CADM2: variants seen among roughly 807,000 people sequenced by gnomAD.
CADM2 encodes immunoglobulin superfamily member 4D.
In CADM2, 12 loss-of-function variants were observed where a neutral mutation model predicts 49.8. The ratio of observed to expected loss-of-function variants is 0.24; its 90% CI spans 0.15 to 0.39. CADM2 has a LOEUF of 0.39. Among genes scored for constraint, CADM2 ranks in the 10% least tolerant of loss-of-function variants. The probability of loss-of-function intolerance (pLI) is 1.00; values close to 1 mark genes in which losing one functional copy is unlikely to be tolerated. For synonymous variants in CADM2, 214 were observed against 175.4 expected (o/e 1.22, Z -1.74); for missense variants, 378 against 492.3 (o/e 0.77, Z 2.20).
chr3:85,371,574 C>A (rs9854869), intron 1 of CADM2, among the ~76,000 whole-genome samples: 24,662 of 148,098 alleles, frequency 0.17, 2,585 homozygotes, highest in Non-Finnish European at 0.23. Flanking sequence ...CTTAAGTATG[C>A]AATTTTCAGA....
intron 1 of CADM2, among the ~76,000 whole-genome samples, chr3:85,138,497 A>G (rs2039484374): frequency 6.6e-6 from 1 of 152,196 alleles, no homozygotes; most frequent in Admixed American, 6.5e-5. Flanking sequence ...GATATAAAGT[A>G]AAATACAATT....
intron 1 of CADM2, among the ~76,000 whole-genome samples, chr3:85,511,138 C>T (rs2040599236): frequency 6.6e-6 from 1 of 152,044 alleles, no homozygotes; most frequent in African/African-American, 2.4e-5. Context: ...TAAAAGCACA[C>T]CTCACCCCTA....
chr3:85,054,490 G>A (rs1189056495), intron 1 of CADM2, among the ~76,000 whole-genome samples: 2 of 151,868 alleles, frequency 1.3e-5, no homozygotes, highest in Non-Finnish European at 1.5e-5. Context: ...AGGGCTTTGA[G>A]TAGGTGAGCC....
At chr3:85,636,202 GT>G (rs1198915892) in intron 1 of CADM2, among the ~76,000 whole-genome samples, 2 of 152,174 alleles carry the variant, frequency 1.3e-5, no homozygotes, top group African/African-American at 4.8e-5. Context: ...CTCTATGAAT[GT>G]TATTGCCCTT....
intron 2 of CADM2, among the ~76,000 whole-genome samples, chr3:85,772,008 CTTTTTTTTT>C (rs397938377): frequency 8.9e-6 from 1 of 112,222 alleles, no homozygotes; most frequent in Non-Finnish European, 1.9e-5. Context: ...TTCTTTCTTT[CTTTTTTTTT>C]TTTTTTTTTT....
At chr3:85,734,904 G>A (rs1415322967) in intron 2 of CADM2, among the ~76,000 whole-genome samples, 2 of 151,148 alleles carry the variant, frequency 1.3e-5, no homozygotes, top group African/African-American at 2.4e-5. Flanking sequence ...AACATAGTAA[G>A]AGATATAGTA....
chr3:86,050,694 C>A (rs891988686), intron 8 of CADM2, among the ~76,000 whole-genome samples: 1 of 152,182 alleles, frequency 6.6e-6, no homozygotes, highest in African/African-American at 2.4e-5. Context: ...ATGGAACCAC[C>A]AAGGCTTAAG....
intron 8 of CADM2, among the ~76,000 whole-genome samples, chr3:86,057,606 T>A (rs1198797738): frequency 6.6e-6 from 1 of 152,212 alleles, no homozygotes; most frequent in Non-Finnish European, 1.5e-5. Flanking sequence ...AAACAACCTT[T>A]ATCTTCAAGA....
At chr3:85,541,755 T>TC (rs1559897626) in intron 1 of CADM2, among the ~76,000 whole-genome samples, 3 of 27,216 alleles carry the variant, frequency 1.1e-4, no homozygotes, top group Non-Finnish European at 3.4e-4. Flanking sequence ...TTTATATATT[T>TC]TATATATATA....
intron 8 of CADM2, among the ~76,000 whole-genome samples, chr3:86,049,092 A>G (rs992474315): frequency 5.3e-5 from 8 of 152,030 alleles, no homozygotes; most frequent in Non-Finnish European, 7.4e-5. Context: ...AGTAATTAAA[A>G]TGTCTTCCAT....
chr3:85,169,463 A>C (rs557031262), intron 1 of CADM2, among the ~76,000 whole-genome samples: 2 of 152,312 alleles, frequency 1.3e-5, no homozygotes, highest in East Asian at 3.9e-4. Context: ...GCCAATAAAA[A>C]ATTACTTAAG....
intron 1 of CADM2, among the ~76,000 whole-genome samples, chr3:85,405,559 A>C (rs1335215988): frequency 1.3e-5 from 2 of 152,162 alleles, no homozygotes; most frequent in East Asian, 3.9e-4. Context: ...TTTTGTGATC[A>C]AGGTTGCCCT....
intron 1 of CADM2, among the ~76,000 whole-genome samples, chr3:85,287,013 T>C (rs1200763124): frequency 1.3e-5 from 2 of 152,184 alleles, no homozygotes; most frequent in Non-Finnish European, 2.9e-5. Flanking sequence ...ATTGTTAGTT[T>C]GAATGCCCCT....
chr3:85,528,478 C>G (rs2061222520), intron 1 of CADM2, among the ~76,000 whole-genome samples: 1 of 152,162 alleles, frequency 6.6e-6, no homozygotes, highest in African/African-American at 2.4e-5. Flanking sequence ...TATTGTTTAA[C>G]CTCTTTGTGT....
At chr3:85,642,964 A>C (rs538763935) in intron 1 of CADM2, among the ~76,000 whole-genome samples, 4 of 152,200 alleles carry the variant, frequency 2.6e-5, no homozygotes, top group Non-Finnish European at 5.9e-5. Flanking sequence ...GTTGAATTTA[A>C]ATGACTGTGA....
At chr3:85,530,993 A>C (rs976153013) in intron 1 of CADM2, among the ~76,000 whole-genome samples, 5 of 151,940 alleles carry the variant, frequency 3.3e-5, no homozygotes, top group Non-Finnish European at 7.4e-5. Context: ...ATGAGTTTTA[A>C]AATACCCTCT....
At chr3:86,014,305 T>C in intron 8 of CADM2, 1 of 1,358,738 alleles carries the variant, frequency 7.4e-7, no homozygotes, top group East Asian at 2.3e-5. Context: ...AAAAATGTCC[T>C]ATCTTTTACA....
chr3:85,049,268 C>A (rs559677736), intron 1 of CADM2, among the ~76,000 whole-genome samples: 4 of 152,092 alleles, frequency 2.6e-5, no homozygotes, highest in African/African-American at 9.7e-5. Context: ...ACTAGTTTTT[C>A]AAGAACTTAA....
At chr3:85,113,668 G>C (rs1575897683) in intron 1 of CADM2, among the ~76,000 whole-genome samples, 1 of 141,066 alleles carries the variant, frequency 7.1e-6, no homozygotes, top group South Asian at 2.1e-4. Context: ...AATATTTATT[G>C]CTTTTTTTTA....
Sources: allele counts gnomAD v4.1 joint callset (sites outside exome capture counted in the v4.1 genomes callset), GRCh38; gene constraint gnomAD v4.1.1; transcripts MANE v1.5; gene names NCBI Gene and HGNC (gene_info 2026-07-23, HGNC 2026-07-21).